The following ZNF341 variants were observed in gnomAD, a reference collection of about 807,000 sequenced individuals.
The protein encoded by ZNF341 is zinc finger protein 341.
A neutral mutation model predicts 87.7 loss-of-function variants in ZNF341; 52 were observed. The ratio of observed to expected loss-of-function variants is 0.59; its 90% CI spans 0.47 to 0.75. The LOEUF (loss-of-function observed/expected upper bound fraction) is 0.75. ZNF341 is among the 30% of genes least tolerant of loss of function. ZNF341 has a pLI of 0.00. For synonymous variants in ZNF341, 459 were observed against 472.7 expected (o/e 0.97, Z 0.38); for missense variants, 977 against 1,145.9 (o/e 0.85, Z 2.13).
rs772568773 is a variant in ZNF341 at position 33,770,285 on chromosome 20, G to C, written c.1615G>C (p.Val539Leu). Residue 539 changes from valine to leucine, a missense_variant, in exon 10 of 15, where the codon GTC becomes CTC. Transcript: ENST00000375200. ...PQHSPKKDNA[V>L]YKCVKCVNKY... ...GCACAGCCCCAAGAAGGACAATGCC[G>C]TCTACAAGTAAGTGCCTCCTGCTTC... is the stretch of plus-strand genomic sequence containing the variant. 1.5e-6 allele frequency: 2 copies of C among 1,366,518 alleles called. No individual in the cohort carries two copies. The highest frequency in any genetic ancestry group is 3.9e-5 in the Admixed American group (2 of 51,912). 84.6% of individuals were successfully genotyped at this position (1,366,518 alleles called of 1,614,324 possible). A position where few individuals can be genotyped will look rare whatever the true frequency, so the allele number is the denominator to read the frequency against.
chr20:33,732,448 C>T lies in ZNF341; in HGVS notation c.31+396C>T, dbSNP rs954307289. Reference sequence around the variant, plus strand: ...CGGGACGGGGGTGCGGTCGCAGCTGCGGGCAGGAGGGCCTCGGCGGCCTGA... The same window carrying T: ...CGGGACGGGGGTGCGGTCGCAGCTGTGGGCAGGAGGGCCTCGGCGGCCTGA... On this transcript the variant is annotated intron_variant, in intron 1 of 14. Transcript: ENST00000375200. The surrounding 1 kb of genome is among the most constrained non-coding windows in gnomAD (Gnocchi z 4.5). Among the ~76,000 whole-genome samples, 3 of 152,098 alleles carry T rather than the reference C, an allele frequency of 2.0e-5. No individual in the cohort carries two copies. Among genetic ancestry groups the T allele is most frequent in the South Asian group, 2.1e-4 (1 of 4,832 alleles).
chr20:33,763,372 C>T (rs983801713), intron 8 of ZNF341, among the ~76,000 whole-genome samples: 6 of 152,134 alleles, frequency 3.9e-5, no homozygotes, highest in African/African-American at 1.4e-4. Context: ...GCTATCAGCT[C>T]ACTGCAACCG....
chr20:33,780,392 G>C (rs886987098), intron 10 of ZNF341, among the ~76,000 whole-genome samples: 1 of 151,938 alleles, frequency 6.6e-6, no homozygotes, highest in African/African-American at 2.4e-5. Context: ...GGTGTGGCAT[G>C]GTCTGACTTA....
intron 1 of ZNF341, among the ~76,000 whole-genome samples, chr20:33,738,153 A>T (rs1310264805): frequency 8.1e-5 from 12 of 147,364 alleles, no homozygotes; most frequent in African/African-American, 2.5e-4. Flanking sequence ...AAAAAAAAAA[A>T]GTTGGCCAGG....
intron 4 of ZNF341, among the ~76,000 whole-genome samples, chr20:33,750,488 C>T (rs1287649889): frequency 6.6e-6 from 1 of 151,968 alleles, no homozygotes; most frequent in Non-Finnish European, 1.5e-5. Flanking sequence ...TTTGAGACAG[C>T]GTCTCACTCA....
chr20:33,756,059 C>T (rs2019170035), intron 5 of ZNF341, among the ~76,000 whole-genome samples: 1 of 151,924 alleles, frequency 6.6e-6, no homozygotes, highest in Non-Finnish European at 1.5e-5. Flanking sequence ...CTTGTCTCTA[C>T]AAATTACACA....
chr20:33,763,197 T>G (rs1418747277), intron 8 of ZNF341, among the ~76,000 whole-genome samples: 1 of 152,220 alleles, frequency 6.6e-6, no homozygotes, highest in African/African-American at 2.4e-5. Flanking sequence ...ATTTTAGATT[T>G]AGAGGGTACA....
rs1432387005 is a variant in ZNF341 at position 33,745,299 on chromosome 20, G to C, written c.339G>C (p.Gln113His). The C allele has an allele frequency of 6.2e-7, 1 of 1,611,278 alleles. No individual in the cohort carries two copies. The highest frequency in any genetic ancestry group is 8.5e-7 in the Non-Finnish European group (1 of 1,177,898). ...AGGCCCCAACTCCTGCCAATCGCCAGGTATTTGTTCATTTATTCATTCAAC... is the reference window on the plus strand; with the variant it reads ...AGGCCCCAACTCCTGCCAATCGCCACGTATTTGTTCATTTATTCATTCAAC... ...VQQAPTPANR[Q>H]ISTYITVPPS... The change falls in exon 3 of 15, where the codon CAG (glutamine) becomes CAC (histidine). Residue 113 changes from glutamine (Q) to histidine (H), a missense_variant and splice_region_variant. By Grantham distance (24) the Gln-to-His change is conservative. This residue lies in a region of ZNF341 where 515 missense variants were observed against 598.2 expected (regional missense o/e 0.86). Transcript: ENST00000375200.
intron 5 of ZNF341, among the ~76,000 whole-genome samples, chr20:33,756,898 C>T (rs116949635): frequency 0.01 from 1,548 of 152,252 alleles, 14 homozygotes; most frequent in Non-Finnish European, 0.017. Context: ...AAGGTCACTT[C>T]GGTGCTAAGT....
chr20:33,781,085 GC>G (rs2019732978), intron 10 of ZNF341, among the ~76,000 whole-genome samples: 1 of 152,172 alleles, frequency 6.6e-6, no homozygotes, highest in Non-Finnish European at 1.5e-5. Flanking sequence ...GGGCAGGGTG[GC>G]CAGCGAGGAG....
chr20:33,736,316 T>C (rs995065268), intron 1 of ZNF341, among the ~76,000 whole-genome samples: 1 of 151,952 alleles, frequency 6.6e-6, no homozygotes, highest in African/African-American at 2.4e-5. Context: ...GAAAGACGCC[T>C]GACCTAACCA....
chr20:33,773,910 T>C (rs1356939738), intron 10 of ZNF341, among the ~76,000 whole-genome samples: 1 of 152,106 alleles, frequency 6.6e-6, no homozygotes, highest in Non-Finnish European at 1.5e-5. Flanking sequence ...TGCCTATGTG[T>C]ACTTTCCCCA....
intron 8 of ZNF341, among the ~76,000 whole-genome samples, chr20:33,766,202 T>A (rs1309918821): frequency 6.7e-6 from 1 of 149,450 alleles, no homozygotes; most frequent in Non-Finnish European, 1.5e-5. Context: ...CAATTATTAT[T>A]ATTATTTTTT....
intron 3 of ZNF341, among the ~76,000 whole-genome samples, chr20:33,748,689 T>C (rs1449862262): frequency 6.6e-6 from 1 of 152,012 alleles, no homozygotes; most frequent in African/African-American, 2.4e-5. Context: ...ATTCAGTAGA[T>C]GATTAAATGG....
chr20:33,735,772 T>C (rs1307957989), intron 1 of ZNF341, among the ~76,000 whole-genome samples: 2 of 152,038 alleles, frequency 1.3e-5, no homozygotes, highest in Non-Finnish European at 1.5e-5. Flanking sequence ...CCAGTCAACA[T>C]ACAGAACAGG....
At chr20:33,784,590 G>A (rs2019814187) in intron 12 of ZNF341, among the ~76,000 whole-genome samples, 1 of 147,624 alleles carries the variant, frequency 6.8e-6, no homozygotes, top group African/African-American at 2.5e-5. Flanking sequence ...AGCCCCTGGA[G>A]GTTGTGTGGA....
intron 5 of ZNF341, among the ~76,000 whole-genome samples, chr20:33,755,273 G>A (rs185705538): frequency 6.6e-5 from 10 of 150,654 alleles, no homozygotes; most frequent in Admixed American, 3.3e-4. Flanking sequence ...TGCTGTATTG[G>A]TCAGGGTTTG....
chr20:33,734,680 A>C (rs889230918), intron 1 of ZNF341, among the ~76,000 whole-genome samples: 2 of 152,098 alleles, frequency 1.3e-5, no homozygotes, highest in Non-Finnish European at 2.9e-5. Context: ...GATGACATTT[A>C]ATTCAAGTTC....
intron 1 of ZNF341, 33 bp from the exon 2 acceptor site, chr20:33,740,869 T>C: frequency 6.3e-7 from 1 of 1,597,724 alleles, no homozygotes; most frequent in Non-Finnish European, 8.6e-7. Context: ...ATGCTGGGCC[T>C]ACCTTCCAAA....
Sources: gnomAD v4.1 joint callset for allele counts (sites outside exome capture counted in the v4.1 genomes callset) on GRCh38, gnomAD v4.1.1 for gene constraint, gnomAD v4.1.1 regional missense constraint, Gnocchi (gnomAD v3.1) non-coding constraint, MANE v1.5 for transcripts, NCBI Gene and HGNC (gene_info 2026-07-23, HGNC 2026-07-21) for gene names.